PRKCZ: variants seen among roughly 807,000 people sequenced by gnomAD.
The protein encoded by PRKCZ is protein kinase C zeta type.
A neutral mutation model predicts 79.5 loss-of-function variants in PRKCZ; 33 were observed. The ratio of observed to expected loss-of-function variants is 0.41; its 90% CI spans 0.31 to 0.55. The LOEUF (loss-of-function observed/expected upper bound fraction) is 0.55. Ranked by LOEUF, PRKCZ falls within the 20% of genes least tolerant of loss-of-function variation. The pLI, the probability that PRKCZ is intolerant of heterozygous loss-of-function variation, is 0.19. For synonymous variants in PRKCZ, 342 were observed against 320.9 expected (o/e 1.07, Z -0.70); for missense variants, 578 against 813.5 (o/e 0.71, Z 3.52).
rs1015016392 is a variant in PRKCZ, at chr1:2,050,909, C to T, written c.71+208C>T. 1.1e-4 allele frequency: 43 copies of T among 378,530 alleles called. No homozygotes were observed. The Middle Eastern group carries it at 2.0e-3, about 18-fold the overall frequency. The allele number at this position is 378,530 out of a possible 1,614,324, so 23.4% of individuals were successfully genotyped here. On this transcript the variant is annotated intron_variant, in intron 1 of 17. Coordinates refer to ENST00000378567, the MANE Select transcript of PRKCZ (RefSeq NM_002744.6). The stretch of plus-strand genomic sequence containing the variant: ...ACAGCGCGGGCTCCTTCCCCGGGAC[C>T]GGGTTTCCCTGGGGTCGGCCCCGCG...
At chr1:2,058,975 A>T (rs921022427) in intron 3 of PRKCZ, among the ~76,000 whole-genome samples, 1 of 151,984 alleles carries the variant, frequency 6.6e-6, no homozygotes, top group East Asian at 1.9e-4. Flanking sequence ...CACATAAAAA[A>T]GTAGAGATGG....
Position 2,059,678 on chromosome 1 carries a change from G to A in PRKCZ, c.334+87G>A, listed in dbSNP as rs542484530. ...GTGCCACGGAGGTGGCAGTGGTGCC[G>A]TTTTCGGAGGTTCACCCTCGTGGAG... On this transcript the variant is annotated intron_variant, in intron 4 of 17. Coordinates refer to ENST00000378567, the MANE Select transcript of PRKCZ (RefSeq NM_002744.6). 39 of 1,546,468 alleles carry A rather than the reference G, an allele frequency of 2.5e-5. No individual in the cohort carries two copies. The East Asian group carries it at 6.2e-4, about 25-fold the overall frequency.
chr1:2,112,351 C>A (rs1669907288), intron 4 of PRKCZ, among the ~76,000 whole-genome samples: 2 of 152,206 alleles, frequency 1.3e-5, no homozygotes, highest in African/African-American at 4.8e-5. Context: ...TCCGAAGCAG[C>A]CGGCGAGGCG....
chr1:2,067,537 A>T (rs1404746418), intron 4 of PRKCZ, among the ~76,000 whole-genome samples: 1 of 152,026 alleles, frequency 6.6e-6, no homozygotes, highest in Non-Finnish European at 1.5e-5. Flanking sequence ...TGGCGGCCTC[A>T]GTGGTGTTGG....
At chr1:2,099,811 A>G (rs1383302147) in intron 4 of PRKCZ, among the ~76,000 whole-genome samples, 1 of 152,234 alleles carries the variant, frequency 6.6e-6, no homozygotes, top group Non-Finnish European at 1.5e-5. Context: ...CCAATTAAAC[A>G]GGTCATTAGT....
rs748335658 is a variant in PRKCZ at position 2,175,220 on chromosome 1, C to T, written c.1486-4C>T. The T allele has an allele frequency of 6.2e-6, 10 of 1,613,348 alleles. No homozygotes were observed. The highest frequency in any genetic ancestry group is 2.2e-5 in the South Asian group (2 of 91,056). On this transcript the variant is annotated splice_region_variant and splice_polypyrimidine_tract_variant and intron_variant, in intron 15 of 17. Transcript: ENST00000378567. The stretch of plus-strand genomic sequence containing the variant: ...CTTGTCCTTGTTTGAACTCTGACCT[C>T]CAGGACCCCAAAGAGAGGCTCGGCT...
At chr1:2,086,765 T>C (rs891021351) in intron 4 of PRKCZ, among the ~76,000 whole-genome samples, 2 of 152,222 alleles carry the variant, frequency 1.3e-5, no homozygotes, top group African/African-American at 4.8e-5. Context: ...TCTTCTCTTC[T>C]CCACTTCTGA....
chr1:2,083,302 G>C (rs1663915249), intron 4 of PRKCZ, among the ~76,000 whole-genome samples: 1 of 151,986 alleles, frequency 6.6e-6, no homozygotes, highest in African/African-American at 2.4e-5. Flanking sequence ...TCTGATTCCA[G>C]CTCCGGGCTC....
chr1:2,115,616 G>C (rs538071706), intron 4 of PRKCZ, among the ~76,000 whole-genome samples: 1 of 152,354 alleles, frequency 6.6e-6, no homozygotes, highest in Non-Finnish European at 1.5e-5. Flanking sequence ...GCAAGTGCCA[G>C]GTGACAACCT....
chr1:2,168,645 C>T lies in PRKCZ; in HGVS notation c.975-873C>T, dbSNP rs1683803769. ...CAGGGACAGGTGCCTTGAGGCGTAA[C>T]AGTGGCGGTGGTGTGGGAGCTTGCG... On this transcript the variant is annotated intron_variant, in intron 10 of 17. Transcript: ENST00000378567. This position sits in a 1 kb window ranked among gnomAD's most constrained non-coding sequence, Gnocchi z 4.7. Among the ~76,000 whole-genome samples the T allele has an allele frequency of 6.6e-6, 1 of 152,132 alleles. No individual in the cohort carries two copies. Among genetic ancestry groups the T allele is most frequent in the Non-Finnish European group, 1.5e-5 (1 of 68,028 alleles).
intron 4 of PRKCZ, among the ~76,000 whole-genome samples, chr1:2,106,526 T>C (rs7364595): frequency 0.41 from 10,233 of 24,738 alleles, 2,718 homozygotes; most frequent in African/African-American, 0.43. Context: ...CAAGCCCCTC[T>C]GGTGGGCGAG....
At chr1:2,057,413 C>T (rs1660270242) in intron 3 of PRKCZ, among the ~76,000 whole-genome samples, 1 of 152,238 alleles carries the variant, frequency 6.6e-6, no homozygotes, top group Admixed American at 6.5e-5. Context: ...GTAGCTTGGG[C>T]TCCTTGCCAG....
chr1:2,132,127 GTT>G (rs1283383802), intron 4 of PRKCZ, among the ~76,000 whole-genome samples: 1 of 152,092 alleles, frequency 6.6e-6, no homozygotes, highest in African/African-American at 2.4e-5. Flanking sequence ...TTGTTTGTTT[GTT>G]TTTTGACTTA....
chr1:2,163,918 G>A (rs934511979), intron 10 of PRKCZ, among the ~76,000 whole-genome samples: 4 of 151,706 alleles, frequency 2.6e-5, no homozygotes, highest in Non-Finnish European at 4.4e-5. Context: ...AAAAAAAAAA[G>A]AAGAACACTG....
chr1:2,144,206 G>T lies in PRKCZ; in HGVS notation c.421-4G>T. ...TGGGCCTGACGCTCTGTTCCCACCTGCAGAGAGCGTACTGCGGTCAGTGCA... is the reference window on the plus strand; with the variant it reads ...TGGGCCTGACGCTCTGTTCCCACCTTCAGAGAGCGTACTGCGGTCAGTGCA... On this transcript the variant is annotated splice_region_variant and splice_polypyrimidine_tract_variant and intron_variant, in intron 5 of 17. Coordinates refer to ENST00000378567, the MANE Select transcript of PRKCZ (RefSeq NM_002744.6). 6.4e-7 allele frequency: 1 copy of T among 1,551,656 alleles called. No homozygotes were observed. The highest frequency in any genetic ancestry group is 8.7e-7 in the Non-Finnish European group (1 of 1,146,956).
At chr1:2,121,587 G>C (rs1451252760) in intron 4 of PRKCZ, among the ~76,000 whole-genome samples, 4 of 126,260 alleles carry the variant, frequency 3.2e-5, no homozygotes, top group African/African-American at 1.1e-4. Flanking sequence ...GATGGTGGTA[G>C]TTAAGGTCAC....
At chr1:2,106,048 C>G (rs148286211) in intron 4 of PRKCZ, among the ~76,000 whole-genome samples, 9 of 152,354 alleles carry the variant, frequency 5.9e-5, no homozygotes, top group Non-Finnish European at 1.2e-4. Context: ...GTCTCCTGGC[C>G]ATGCCAGACA....
chr1:2,153,700 C>T (rs1436318724), intron 9 of PRKCZ, among the ~76,000 whole-genome samples: 1 of 152,218 alleles, frequency 6.6e-6, no homozygotes, highest in African/African-American at 2.4e-5. Context: ...GTTAATGCCA[C>T]GTATGAGAGC....
chr1:2,121,615 T>C (rs55781125), intron 4 of PRKCZ, among the ~76,000 whole-genome samples: 753 of 67,468 alleles, frequency 0.011, 97 homozygotes, highest in East Asian at 0.082. Context: ...ATTAGGGTCA[T>C]GGTGGTGGTT....
Sources: allele counts gnomAD v4.1 joint callset (sites outside exome capture counted in the v4.1 genomes callset), GRCh38; gene constraint gnomAD v4.1.1; non-coding constraint Gnocchi (gnomAD v3.1); transcripts MANE v1.5; gene names NCBI Gene and HGNC (gene_info 2026-07-23, HGNC 2026-07-21).